Variants in FBXO40 observed in about 807,000 individuals in gnomAD.
FBXO40 encodes the protein F-box only protein 40.
FBXO40 carries 50 observed loss-of-function variants against 49.9 expected under a neutral mutation model. That is an observed-to-expected ratio of 1.00 (90% CI 0.80 to 1.27). FBXO40 has a LOEUF of 1.27. Among genes scored for constraint, FBXO40 ranks in the 50% most tolerant of loss-of-function variants. FBXO40 has a pLI of 0.00. For missense variants in FBXO40, 895 were observed against 870.1 expected (o/e 1.03, Z -0.36); for synonymous variants, 340 against 320.2 (o/e 1.06, Z -0.66).
chr3:121,620,637 T>C, intron 2 of FBXO40, 59 bp downstream of exon 2: 7 of 1,607,650 alleles, frequency 4.4e-6, no homozygotes, highest in Non-Finnish European at 6.0e-6. Flanking sequence ...TTCCTTCATT[T>C]ATCCTGTAGC....
chr3:121,596,711 A>G (rs2048874657), intron 1 of FBXO40, among the ~76,000 whole-genome samples: 1 of 152,142 alleles, frequency 6.6e-6, no homozygotes, highest in Non-Finnish European at 1.5e-5. Flanking sequence ...AATCCAGCCC[A>G]CTGAGGTCTT....
intron 3 of FBXO40, among the ~76,000 whole-genome samples, chr3:121,626,229 G>T (rs1461496488): frequency 6.6e-6 from 1 of 152,042 alleles, no homozygotes; most frequent in Non-Finnish European, 1.5e-5. Context: ...TGGCTACATT[G>T]TAAGATAGTG....
chr3:121,612,461 C>T (rs910706332), intron 1 of FBXO40, among the ~76,000 whole-genome samples: 1 of 152,092 alleles, frequency 6.6e-6, no homozygotes, highest in East Asian at 1.9e-4. Flanking sequence ...TTTGTTCCTC[C>T]GGAGCACTTG....
rs2049044368 is a variant in FBXO40 at position 121,623,244 on chromosome 3, T to C, written c.1815T>C (p.Asn605=). Residue 605 remains asparagine (N), a synonymous_variant, in exon 3 of 4, where the codon AAT becomes AAC. Transcript: ENST00000338040. ...CCCAGGTGTCTGTGCTGATGAGGAATATCTGTGCCACTTTGTTACAAGAGA... is the reference window on the plus strand; with the variant it reads ...CCCAGGTGTCTGTGCTGATGAGGAACATCTGTGCCACTTTGTTACAAGAGA... ...QLSQVSVLMR[N]ICATLLQERG... is the part of the protein sequence containing the mutation. 6.2e-7 allele frequency: 1 copy of C among 1,614,204 alleles called. No individual in the cohort carries two copies. Among genetic ancestry groups the C allele is most frequent in the Non-Finnish European group, 8.5e-7 (1 of 1,180,028 alleles).
intron 1 of FBXO40, among the ~76,000 whole-genome samples, chr3:121,601,468 G>A (rs529009787): frequency 1.5e-4 from 23 of 152,156 alleles, no homozygotes; most frequent in African/African-American, 5.5e-4. Flanking sequence ...ACTTCAAGGA[G>A]CTGGAGAACA....
intron 3 of FBXO40, 114 bp from the exon 4 acceptor site, chr3:121,626,581 T>C: frequency 1.1e-6 from 1 of 934,844 alleles, no homozygotes. Flanking sequence ...CACTAAACAC[T>C]CTGGAGTCTA....
chr3:121,610,662 C>T (rs61798092), intron 1 of FBXO40, among the ~76,000 whole-genome samples: 13,920 of 152,070 alleles, frequency 0.092, 766 homozygotes, highest in South Asian at 0.12. Context: ...TTCCTCAAGA[C>T]GGAGTCTTAC....
In FBXO40 at chr3:121,622,993, C is replaced by G; in HGVS notation, c.1564C>G (p.Gln522Glu). 1 of 1,614,190 alleles carries G rather than the reference C, an allele frequency of 6.2e-7. No homozygotes were observed. Among genetic ancestry groups the G allele is most frequent in the Non-Finnish European group, 8.5e-7 (1 of 1,180,038 alleles). ...CGCCTACTTGGGATGTACATTTGTT[C>G]AAAACCATTTCCGTCCCCCAGGGCA... The part of the protein sequence containing the change: ...PLAYLGCTFV[Q>E]NHFRPPGQKA... The change falls in exon 3 of 4, where the codon CAA becomes GAA. Residue 522 changes from glutamine to glutamate, a missense_variant. Gln to Glu is a conservative substitution (Grantham distance 29, BLOSUM62 2). Coordinates refer to ENST00000338040, the MANE Select transcript of FBXO40 (RefSeq NM_016298.4).
Position 121,620,567 on chromosome 3 carries a change from T to G in FBXO40, c.-9T>G. On this transcript the variant is annotated 5_prime_UTR_variant, in exon 2 of 4. The change creates a new upstream start codon in the 5' untranslated region. Transcript: ENST00000338040. Reference sequence around the variant, plus strand: ...GTAGAGCTAAGAAGCAAGAAGAAATTGGGGCGCCATGGTAAGCACCAGGAG... The same window carrying G: ...GTAGAGCTAAGAAGCAAGAAGAAATGGGGGCGCCATGGTAAGCACCAGGAG... The G allele has an allele frequency of 1.2e-6, 2 of 1,614,138 alleles. No homozygotes were observed. The highest frequency in any genetic ancestry group is 1.7e-6 in the Non-Finnish European group (2 of 1,180,004).
At position 121,611,429 on chromosome 3, in the gene FBXO40, C is replaced by T. The variant is rs963672544; in HGVS notation, c.-30-9117C>T. Among the ~76,000 whole-genome samples, 8 of 152,168 alleles carry T rather than the reference C, an allele frequency of 5.3e-5. No individual in the cohort carries two copies. The East Asian group carries it at 5.8e-4, about 11-fold the overall frequency. Reference sequence around the variant, plus strand: ...GGATGGTACTATACCTGGATGTGCACGTAGGCCAGATTTATGTTTCTCTCC... The same window carrying T: ...GGATGGTACTATACCTGGATGTGCATGTAGGCCAGATTTATGTTTCTCTCC... On this transcript the variant is annotated intron_variant, in intron 1 of 3. Coordinates refer to ENST00000338040, the MANE Select transcript of FBXO40 (RefSeq NM_016298.4).
chr3:121,598,609 T>A (rs1321019890), intron 1 of FBXO40, among the ~76,000 whole-genome samples: 1 of 151,696 alleles, frequency 6.6e-6, no homozygotes, highest in Non-Finnish European at 1.5e-5. Flanking sequence ...ATAGAAGGAG[T>A]GAGACTGATT....
At chr3:121,611,757 C>G (rs978693930) in intron 1 of FBXO40, among the ~76,000 whole-genome samples, 11 of 152,216 alleles carry the variant, frequency 7.2e-5, no homozygotes, top group African/African-American at 2.4e-4. Flanking sequence ...TGGACAATAC[C>G]CCGCTTTCAA....
intron 3 of FBXO40, among the ~76,000 whole-genome samples, chr3:121,625,606 G>A (rs570417996): frequency 2.0e-5 from 3 of 152,068 alleles, no homozygotes; most frequent in African/African-American, 7.2e-5. Context: ...GTTTAAAAAC[G>A]CCTAAAATCC....
At chr3:121,601,169 G>A (rs2048899383) in intron 1 of FBXO40, among the ~76,000 whole-genome samples, 1 of 152,124 alleles carries the variant, frequency 6.6e-6, no homozygotes, top group Admixed American at 6.5e-5. Context: ...TTAGACTATC[G>A]AGAGTTCCAG....
At position 121,618,440 on chromosome 3, in the gene FBXO40, G is replaced by A. The variant is rs113716092; in HGVS notation, c.-30-2106G>A. On this transcript the variant is annotated intron_variant, in intron 1 of 3. Coordinates refer to ENST00000338040, the MANE Select transcript of FBXO40 (RefSeq NM_016298.4). ...TTCACTCTGTCACCCAGGCTGGAGCGCAGTGGCGTGATCTCGATTCACTGC... is the reference window on the plus strand; with the variant it reads ...TTCACTCTGTCACCCAGGCTGGAGCACAGTGGCGTGATCTCGATTCACTGC... Among the ~76,000 whole-genome samples, 626 of 144,756 alleles carry A rather than the reference G, an allele frequency of 4.3e-3. 3 individuals carry two copies. Among genetic ancestry groups the A allele is most frequent in the Middle Eastern group, 0.014 (4 of 282 alleles). 95.0% of individuals were successfully genotyped at this position (144,756 alleles called of 152,430 possible).
intron 1 of FBXO40, among the ~76,000 whole-genome samples, chr3:121,618,917 CT>C (rs948709463): frequency 0.019 from 2,670 of 139,006 alleles, 38 homozygotes; most frequent in African/African-American, 0.041. Flanking sequence ...TTTGAAATGT[CT>C]TTTTTTTTTT....
chr3:121,622,787 G>A lies in FBXO40; in HGVS notation c.1358G>A (p.Gly453Glu). 6.2e-7 allele frequency: 1 copy of A among 1,614,146 alleles called. No individual in the cohort carries two copies. Among genetic ancestry groups the A allele is most frequent in the Admixed American group, 1.7e-5 (1 of 60,030 alleles). Residue 453 changes from glycine (G) to glutamate (E), a missense_variant, in exon 3 of 4, where the codon GGG becomes GAG. Transcript: ENST00000338040. Reference protein sequence around the residue: ...VLADLTAATPGGLHVELHSEC... With the variant: ...VLADLTAATPEGLHVELHSEC... Reference sequence around the variant, plus strand: ...GCTGACCTAACCGCTGCCACCCCAGGGGGACTCCACGTGGAGCTCCACAGC... The same window carrying A: ...GCTGACCTAACCGCTGCCACCCCAGAGGGACTCCACGTGGAGCTCCACAGC...
intron 1 of FBXO40, among the ~76,000 whole-genome samples, chr3:121,610,529 G>C (rs1160306736): frequency 6.6e-6 from 1 of 152,136 alleles, no homozygotes; most frequent in Non-Finnish European, 1.5e-5. Context: ...CTTTCCATGA[G>C]TAATTTCCCT....
At chr3:121,624,632 A>G (rs1041383049) in intron 3 of FBXO40, among the ~76,000 whole-genome samples, 1 of 152,090 alleles carries the variant, frequency 6.6e-6, no homozygotes, top group Non-Finnish European at 1.5e-5. Context: ...TGAAGTATCT[A>G]TTCTCCTGGC....
Sources: allele counts gnomAD v4.1 joint callset (sites outside exome capture counted in the v4.1 genomes callset), GRCh38; gene constraint gnomAD v4.1.1; transcripts MANE v1.5; gene names NCBI Gene and HGNC (gene_info 2026-07-23, HGNC 2026-07-21).